The following CSN3 variants were observed in gnomAD, a reference collection of about 807,000 sequenced individuals.
CSN3 encodes the protein kappa-casein.
CSN3 carries 7 observed loss-of-function variants against 9.9 expected under a neutral mutation model. That is an observed-to-expected ratio of 0.71 (90% CI 0.40 to 1.33). The LOEUF is 1.33. Among genes scored for constraint, CSN3 ranks in the 40% most tolerant of loss-of-function variants. The pLI is 0.01. For missense variants in CSN3, 253 were observed against 227.9 expected, an observed-to-expected ratio of 1.11 and a Z score of -0.71; for synonymous variants, 88 against 82.3, an observed-to-expected ratio of 1.07 and a Z score of -0.37.
At chr4:70,247,350 T>A (rs575920653) in intron 2 of CSN3, among the ~76,000 whole-genome samples, 1 of 152,160 alleles carries the variant, frequency 6.6e-6, no homozygotes, top group Non-Finnish European at 1.5e-5. Flanking sequence ...ATTATTTATA[T>A]GTTAAGTTTA....
At chr4:70,245,229 A>T (rs1730355576) in intron 2 of CSN3, among the ~76,000 whole-genome samples, 2 of 152,178 alleles carry the variant, frequency 1.3e-5, no homozygotes, top group Non-Finnish European at 2.9e-5. Flanking sequence ...CAGAAATCAT[A>T]GTCTGGGAAT....
In CSN3 at chr4:70,246,083, T is replaced by A. The variant is rs539276036; in HGVS notation, c.54+1210T>A. Among the ~76,000 whole-genome samples, 863 of 150,278 alleles carry A rather than the reference T, an allele frequency of 5.7e-3. 11 individuals are homozygous for A. Among genetic ancestry groups the A allele is most frequent in the African/African-American group, 0.02 (803 of 41,040 alleles). ...GAACAAATATACAGAAAAAAAAAAA[T>A]TTATTGATTTTACCATTCAATCTTA... On this transcript the variant is annotated intron_variant, in intron 2 of 4. Coordinates refer to ENST00000304954, the Ensembl canonical transcript of CSN3.
chr4:70,242,070 C>CAATT (rs1211335249), upstream of CSN3, among the ~76,000 whole-genome samples: 1 of 151,816 alleles, frequency 6.6e-6, no homozygotes, highest in African/African-American at 2.4e-5. Context: ...CTAAAAGAAA[C>CAATT]AATTAAAATG....
upstream of CSN3, among the ~76,000 whole-genome samples, chr4:70,242,384 A>T (rs374853681): frequency 1.7e-4 from 21 of 121,772 alleles, 3 homozygotes; most frequent in East Asian, 4.2e-3. Context: ...ATATGTATAC[A>T]TGTGCCATGC....
chr4:70,240,661 A>G (rs1048680792), upstream of CSN3, among the ~76,000 whole-genome samples: 1 of 151,944 alleles, frequency 6.6e-6, no homozygotes, highest in Admixed American at 6.6e-5. Flanking sequence ...CACTTTCACT[A>G]AGGTTGCCTT....
rs1446413275 is a variant in CSN3, at chr4:70,249,451, A to G, written c.541A>G (p.Thr181Ala). The G allele has an allele frequency of 1.9e-6, 3 of 1,611,142 alleles. No homozygotes were observed. The South Asian group carries it at 3.3e-5, about 18-fold the overall frequency. Residue 181 changes from threonine (T) to alanine (A), a missense_variant, in exon 4 of 5, where the codon ACG becomes GCG. By Grantham distance (58) the Thr-to-Ala change is moderately conservative (BLOSUM62 0). Transcript: ENST00000304954. ...AACCACAGTTGCAGTTACTCCACCT[A>G]CGGCATAAAAACACCAAGGAAATAT... is the stretch of plus-strand genomic sequence containing the variant.
chr4:70,239,573 G>C (rs2109690931), upstream of CSN3, among the ~76,000 whole-genome samples: 1 of 152,010 alleles, frequency 6.6e-6, no homozygotes, highest in East Asian at 1.9e-4. Flanking sequence ...TAATGCTAAA[G>C]TCACAATGAC....
At chr4:70,249,058 T>C in exon 4 of CSN3, 2 of 1,613,834 alleles carry the variant, frequency 1.2e-6, no homozygotes. Flanking sequence ...CCCAATGTAT[T>C]ATGTGCCAAA....
chr4:70,245,892 A>G (rs1230984508), intron 2 of CSN3, among the ~76,000 whole-genome samples: 1 of 152,168 alleles, frequency 6.6e-6, no homozygotes, highest in Non-Finnish European at 1.5e-5. Flanking sequence ...TCACCTGAAC[A>G]TTTGGAACTT....
In CSN3 at chr4:70,248,218, T is replaced by A. The variant is rs185743770; in HGVS notation, c.87+368T>A. Among the ~76,000 whole-genome samples the A allele has an allele frequency of 2.9e-3, 449 of 152,296 alleles. 2 individuals are homozygous for A. The highest frequency in any genetic ancestry group is 3.0e-3 in the Non-Finnish European group (201 of 67,994). ...GATCCTTTTCTGACCCATCTTTGAA[T>A]ACTTCTCATACATCTATATTTACTT... On this transcript the variant is annotated intron_variant, in intron 3 of 4. Transcript: ENST00000304954.
chr4:70,247,821 G>A (rs759162954), exon 3 of CSN3: 2 of 1,594,520 alleles, frequency 1.3e-6, no homozygotes. Flanking sequence ...TCCCCAGGCT[G>A]TGGAGGTTCA....
upstream of CSN3, among the ~76,000 whole-genome samples, chr4:70,241,022 G>C (rs1329570391): frequency 6.6e-6 from 1 of 151,926 alleles, no homozygotes; most frequent in Non-Finnish European, 1.5e-5. Flanking sequence ...AATGTCTTCA[G>C]AAGTGTTCTG....
intron 4 of CSN3, among the ~76,000 whole-genome samples, 169 bp downstream of exon 4, chr4:70,249,662 G>T: frequency 6.6e-6 from 1 of 152,142 alleles, no homozygotes; most frequent in East Asian, 1.9e-4. Context: ...TGATACACCA[G>T]ATTCTGTTCC....
intron 3 of CSN3, among the ~76,000 whole-genome samples, 195 bp downstream of exon 3, chr4:70,248,045 A>G (rs899347557): frequency 2.0e-5 from 3 of 152,264 alleles, no homozygotes. Context: ...TGAAAGTTTT[A>G]TTTTCTTATA....
chr4:70,242,278 TTTTTATTTTATTTTATTTTA>T (rs200342051), upstream of CSN3, among the ~76,000 whole-genome samples: 148 of 134,448 alleles, frequency 1.1e-3, 3 homozygotes, highest in Middle Eastern at 3.8e-3. Flanking sequence ...CTGCATTTCT[TTTTTATTTTATTTTATTTTA>T]TTTTATTTTA....
upstream of CSN3, among the ~76,000 whole-genome samples, chr4:70,238,968 C>T (rs550290526): frequency 6.6e-6 from 1 of 151,768 alleles, no homozygotes; most frequent in African/African-American, 2.4e-5. Flanking sequence ...GTCTATTTTA[C>T]GTGCAAATAG....
chr4:70,248,835 T>C (rs893506254), intron 3 of CSN3, among the ~76,000 whole-genome samples, 163 bp from the exon 4 acceptor site: 2 of 151,954 alleles, frequency 1.3e-5, no homozygotes, highest in Non-Finnish European at 2.9e-5. Context: ...GGAAAGGCAA[T>C]GTACAAATCA....
chr4:70,239,455 C>T (rs1730230528), upstream of CSN3, among the ~76,000 whole-genome samples: 1 of 151,850 alleles, frequency 6.6e-6, no homozygotes, highest in Admixed American at 6.6e-5. Context: ...GGAGAAATAA[C>T]ACTTTACATA....
At chr4:70,239,960 G>T (rs1730239297), upstream of CSN3, among the ~76,000 whole-genome samples, 1 of 151,806 alleles carries the variant, frequency 6.6e-6, no homozygotes. Context: ...TAATCCTATG[G>T]AAAGCTGTGT....
Sources: gnomAD v4.1 joint callset for allele counts (sites outside exome capture counted in the v4.1 genomes callset) on GRCh38, gnomAD v4.1.1 for gene constraint, MANE v1.5 for transcripts, NCBI Gene and HGNC (gene_info 2026-07-23, HGNC 2026-07-21) for gene names.